Variants in GTF2A1L observed in about 807,000 individuals in gnomAD.
GTF2A1L encodes the protein TFIIA-alpha and beta-like factor.
A neutral mutation model predicts 49.7 loss-of-function variants in GTF2A1L; 48 were observed. The observed-to-expected ratio is 0.97, with a 90% CI of 0.77 to 1.23. The LOEUF (loss-of-function observed/expected upper bound fraction) is 1.23. Ranked by LOEUF, GTF2A1L falls within the 50% of genes most tolerant of loss-of-function variation. The pLI is 0.00. For synonymous variants in GTF2A1L, 246 were observed against 193.5 expected (o/e 1.27, Z -2.25); for missense variants, 736 against 564.8 (o/e 1.30, Z -3.07).
In GTF2A1L at chr2:48,646,812, T is replaced by C; in HGVS notation, c.748T>C (p.Ser250Pro). Residue 250 changes from serine (S) to proline (P), a missense_variant, in exon 6 of 9, where the codon TCT (serine) becomes CCT (proline). Ser to Pro is a moderately conservative substitution (Grantham distance 74). Transcript: ENST00000403751. Reference sequence around the variant, plus strand: ...TATCAGTCTTCCAGGTGTTGTATTTTCTCCACAGGTCTCTCAAACAAATTC... The same window carrying C: ...TATCAGTCTTCCAGGTGTTGTATTTCCTCCACAGGTCTCTCAAACAAATTC... ...HYISLPGVVFSPQVSQTNSNV... is the reference protein window; with the variant it reads ...HYISLPGVVFPPQVSQTNSNV... 2 of 1,614,188 alleles carry C rather than the reference T, an allele frequency of 1.2e-6. No individual in the cohort carries two copies. The highest frequency in any genetic ancestry group is 1.7e-6 in the Non-Finnish European group (2 of 1,180,024).
rs150540232 is a variant in GTF2A1L at position 48,679,455 on chromosome 2, C to G, written c.*13C>G. On this transcript the variant is annotated 3_prime_UTR_variant, in exon 9 of 9. Transcript: ENST00000403751. ...TGCAGAGTGGTAAACCTTGTGAGCT[C>G]AGTACATCTATTTTGTGAACATCAG... 4.3e-5 allele frequency: 70 copies of G among 1,610,920 alleles called. No individual in the cohort carries two copies. The African/African-American group carries it at 8.5e-4, about 20-fold the overall frequency.
chr2:48,638,973 C>T (rs917782248), intron 3 of GTF2A1L, among the ~76,000 whole-genome samples: 1 of 151,572 alleles, frequency 6.6e-6, no homozygotes, highest in African/African-American at 2.4e-5. Flanking sequence ...AAGAATAAGA[C>T]ACCTAGCAAT....
intron 6 of GTF2A1L, among the ~76,000 whole-genome samples, chr2:48,669,355 C>T (rs1572773530): frequency 6.6e-6 from 1 of 152,128 alleles, no homozygotes; most frequent in East Asian, 1.9e-4. Context: ...AGCACAATGA[C>T]ATTTGTCTTT....
At chr2:48,622,135 C>T (rs1676035885) in intron 3 of GTF2A1L, among the ~76,000 whole-genome samples, 5 of 152,180 alleles carry the variant, frequency 3.3e-5, no homozygotes. Context: ...GGAAAATTCA[C>T]ATGAAAATTA....
rs189042630 is a variant in GTF2A1L, at chr2:48,635,573, C to A, written c.248-6829C>A. On this transcript the variant is annotated intron_variant, in intron 3 of 8. Transcript: ENST00000403751. ...TGCAAGTCTCATTGCCCAGGAGAGA[C>A]TGCAACTGTAGCAGCTCTCCTCCCA... 5.9e-5 allele frequency among the ~76,000 whole-genome samples: 9 copies of A among 152,196 alleles called. No homozygotes were observed. In the East Asian group the frequency reaches 1.7e-3, roughly 29 times the overall value.
At position 48,628,674 on chromosome 2, in the gene GTF2A1L, A is replaced by G. The variant is rs183462108; in HGVS notation, c.247+7384A>G. 7.0e-4 allele frequency among the ~76,000 whole-genome samples: 100 copies of G among 143,124 alleles called. 14 individuals are homozygous for G. Among genetic ancestry groups the G allele is most frequent in the African/African-American group, 2.2e-3 (90 of 40,362 alleles). 93.9% of individuals were successfully genotyped at this position (143,124 alleles called of 152,430 possible). ...CTACCATCCTGTAGGTTGTCTGTTC[A>G]CTCTGTTGGTAGCTTCTTTTGCTGT... is the stretch of plus-strand genomic sequence containing the variant. On this transcript the variant is annotated intron_variant, in intron 3 of 8. Coordinates refer to ENST00000403751, the MANE Select transcript of GTF2A1L (RefSeq NM_006872.5).
At chr2:48,656,527 T>A (rs945258330) in intron 6 of GTF2A1L, among the ~76,000 whole-genome samples, 1 of 151,996 alleles carries the variant, frequency 6.6e-6, no homozygotes, top group Non-Finnish European at 1.5e-5. Context: ...CCTTTGCCCA[T>A]TTTTTTAAAA....
At chr2:48,629,549 C>T (rs930079603) in intron 3 of GTF2A1L, among the ~76,000 whole-genome samples, 2 of 143,512 alleles carry the variant, frequency 1.4e-5, no homozygotes, top group African/African-American at 5.0e-5. Context: ...GTCTGTTTGT[C>T]TCAAGATTAG....
At chr2:48,637,582 C>G (rs1558719128) in intron 3 of GTF2A1L, among the ~76,000 whole-genome samples, 1 of 152,036 alleles carries the variant, frequency 6.6e-6, no homozygotes, top group Non-Finnish European at 1.5e-5. Flanking sequence ...AGCAAGAACA[C>G]TTCAGCCCCA....
chr2:48,647,644 A>G (rs1202886843), intron 6 of GTF2A1L, among the ~76,000 whole-genome samples: 4 of 151,912 alleles, frequency 2.6e-5, no homozygotes, highest in African/African-American at 9.7e-5. Context: ...TTTTCCCTAC[A>G]TGAGGGATTA....
Position 48,646,566 on chromosome 2 carries a change from A to T in GTF2A1L, c.502A>T (p.Ile168Leu). 1 of 1,614,180 alleles carries T rather than the reference A, an allele frequency of 6.2e-7. No homozygotes were observed. Among genetic ancestry groups the T allele is most frequent in the Non-Finnish European group, 8.5e-7 (1 of 1,180,036 alleles). ...VFQQLGQPSV[I>L]QTSVPQLNPW... ...TCAACAGCTTGGCCAGCCTTCAGTA[A>T]TACAAACTAGTGTTCCACAATTGAA... The change falls in exon 6 of 9, where the codon ATA becomes TTA. Residue 168 changes from isoleucine to leucine, a missense_variant. Transcript: ENST00000403751.
Position 48,669,960 on chromosome 2 carries a change from C to G in GTF2A1L, c.1217C>G (p.Pro406Arg). ...ACAAACAGTAGTGATAATGAAGACC[C>G]TCAAGTAAACATTGTAGAAGAGGTG... ...SATNSSDNED[P>R]QVNIVEEDPL... The change falls in exon 7 of 9, where the codon CCT becomes CGT. Residue 406 changes from proline to arginine, a missense_variant. Physicochemically the swap from Pro to Arg is moderately radical, Grantham distance 103. Coordinates refer to ENST00000403751, the MANE Select transcript of GTF2A1L (RefSeq NM_006872.5). The G allele has an allele frequency of 6.2e-7, 1 of 1,613,444 alleles. No homozygotes were observed. The highest frequency in any genetic ancestry group is 8.5e-7 in the Non-Finnish European group (1 of 1,179,730).
chr2:48,639,919 A>G (rs550713907), intron 3 of GTF2A1L, among the ~76,000 whole-genome samples: 15 of 152,316 alleles, frequency 9.8e-5, no homozygotes, highest in African/African-American at 3.4e-4. Context: ...AAGAAGACAT[A>G]CATGCAGCCA....
At chr2:48,673,655 AC>A (rs1679297062) in intron 8 of GTF2A1L, among the ~76,000 whole-genome samples, 1 of 152,156 alleles carries the variant, frequency 6.6e-6, no homozygotes, top group African/African-American at 2.4e-5. Context: ...CCCAGCCGAC[AC>A]AGGAATATTT....
chr2:48,675,665 T>C (rs924071362), intron 8 of GTF2A1L, among the ~76,000 whole-genome samples: 1 of 152,022 alleles, frequency 6.6e-6, no homozygotes, highest in East Asian at 1.9e-4. Context: ...GGAGGTGTTC[T>C]GTGCTACAAA....
chr2:48,626,260 T>C (rs1488001133), intron 3 of GTF2A1L, among the ~76,000 whole-genome samples: 2 of 144,248 alleles, frequency 1.4e-5, no homozygotes, highest in East Asian at 3.9e-4. Context: ...CATACTGTTT[T>C]GATTACTACA....
chr2:48,675,466 A>G (rs1679417862), intron 8 of GTF2A1L, among the ~76,000 whole-genome samples: 1 of 152,100 alleles, frequency 6.6e-6, no homozygotes, highest in Non-Finnish European at 1.5e-5. Flanking sequence ...AAACTTTGAA[A>G]ATATAAACAT....
In GTF2A1L at chr2:48,624,402, T is replaced by C. The variant is rs80326200; in HGVS notation, c.247+3112T>C. 2.1e-3 allele frequency among the ~76,000 whole-genome samples: 310 copies of C among 144,294 alleles called. 24 individuals carry two copies. The East Asian group carries it at 0.047, about 22-fold the overall frequency. 94.7% of individuals were successfully genotyped at this position (144,294 alleles called of 152,430 possible). A position where few individuals can be genotyped will look rare whatever the true frequency, so the allele number is the denominator to read the frequency against. On this transcript the variant is annotated intron_variant, in intron 3 of 8. Coordinates refer to ENST00000403751, the MANE Select transcript of GTF2A1L (RefSeq NM_006872.5). ...TTTGCAGAAATGAGCTGGATTCTTA[T>C]CTATTTCTATTTATTTACATTTTAT...
chr2:48,620,875 G>T lies in GTF2A1L; in HGVS notation c.46G>T (p.Glu16Ter). 1 of 1,594,108 alleles carries T rather than the reference G, an allele frequency of 6.3e-7. No homozygotes were observed. The highest frequency in any genetic ancestry group is 1.1e-5 in the South Asian group (1 of 87,024). ...PVPKLYRSVI[E>*]DVIEGVRNLF... ...GCCTAAACTCTACAGATCTGTAATTGAAGATGTAATTGAAGGAGTTCGGAA... is the reference window on the plus strand; with the variant it reads ...GCCTAAACTCTACAGATCTGTAATTTAAGATGTAATTGAAGGAGTTCGGAA... The change falls in exon 2 of 9, where the codon GAA (glutamate) becomes TAA (stop). Residue 16 changes from glutamate (E) to a stop codon, truncating the protein, a stop_gained. Coordinates refer to ENST00000403751, the MANE Select transcript of GTF2A1L (RefSeq NM_006872.5). LOFTEE classifies it high-confidence loss of function.
Sources: gnomAD v4.1 joint callset for allele counts (sites outside exome capture counted in the v4.1 genomes callset) on GRCh38, gnomAD v4.1.1 for gene constraint, MANE v1.5 for transcripts, NCBI Gene and HGNC (gene_info 2026-07-23, HGNC 2026-07-21) for gene names.